JMJD7: variants seen among roughly 807,000 people sequenced by gnomAD.
JMJD7 encodes the protein jumonji domain containing 7, also known as bifunctional peptidase and (3S)-lysyl hydroxylase JMJD7.
A neutral mutation model predicts 41.1 loss-of-function variants in JMJD7; 41 were observed. The ratio of observed to expected loss-of-function variants is 1.00; its 90% CI spans 0.78 to 1.30. The LOEUF is 1.30. Ranked by LOEUF, JMJD7 falls within the 50% of genes most tolerant of loss-of-function variation. JMJD7 has a pLI of 0.00. For synonymous variants in JMJD7, 202 were observed against 177.2 expected, an observed-to-expected ratio of 1.14 and a Z score of -1.11; for missense variants, 480 against 420.7, an observed-to-expected ratio of 1.14 and a Z score of -1.23.
rs748096102 is a variant in JMJD7 at position 41,828,122 on chromosome 15, G to T, written c.-3G>T. The T allele has an allele frequency of 1.0e-5, 15 of 1,458,346 alleles. No homozygotes were observed. The highest frequency in any genetic ancestry group is 1.5e-5 in the African/African-American group (1 of 67,226). The allele number at this position is 1,458,346 out of a possible 1,614,324, so 90.3% of individuals were successfully genotyped here. Reference sequence around the variant, plus strand: ...CGGGGTCTCGGCCGGCGCTGACGCAGCCATGGCGGAGGCGGCTTTGGAAGC... The same window carrying T: ...CGGGGTCTCGGCCGGCGCTGACGCATCCATGGCGGAGGCGGCTTTGGAAGC... On this transcript the variant is annotated 5_prime_UTR_variant, in exon 1 of 8. Transcript: ENST00000397299.
chr15:41,836,998 TG>T (rs1450916672), intron 7 of JMJD7, 58 bp downstream of exon 7: 12 of 1,609,294 alleles, frequency 7.5e-6, no homozygotes, highest in African/African-American at 5.3e-5. Flanking sequence ...GCAGGGCCTC[TG>T]GGGGGAGGCT....
chr15:41,837,022 G>T (rs750170678), intron 7 of JMJD7, 46 bp from the exon 8 acceptor site: 1 of 1,609,338 alleles, frequency 6.2e-7, no homozygotes, highest in South Asian at 1.1e-5. Context: ...GGAGGCTCTA[G>T]GTCAGAAGAG....
chr15:41,836,378 C>T lies in JMJD7; in HGVS notation c.626-97C>T, dbSNP rs777749720. On this transcript the variant is annotated intron_variant, in intron 5 of 7. Coordinates refer to ENST00000397299, the MANE Select transcript of JMJD7 (RefSeq NM_001114632.2). ...TCCCCAGTGCACCAGGGCCCCTGAT[C>T]CCCTTGCCCCTGCCCAGGGCTGGCT... 4.5e-6 allele frequency: 7 copies of T among 1,549,070 alleles called. No homozygotes were observed. The Admixed American group carries it at 1.3e-4, about 30-fold the overall frequency.
chr15:41,831,393 A>G (rs1195952339), intron 1 of JMJD7, among the ~76,000 whole-genome samples: 1 of 152,218 alleles, frequency 6.6e-6, no homozygotes, highest in African/African-American at 2.4e-5. Flanking sequence ...ACTGATCAGA[A>G]AGTAAAGGTG....
At position 41,837,411 on chromosome 15, in the gene JMJD7, C is replaced by T. The variant is rs1027644630; in HGVS notation, c.*255C>T. The stretch of plus-strand genomic sequence containing the variant: ...GGGGATCAGGTGCAGCGGCACCTCT[C>T]CCCAGCGCTGTGATGTTGGGCGAGT... On this transcript the variant is annotated 3_prime_UTR_variant, in exon 8 of 8. Coordinates refer to ENST00000397299, the MANE Select transcript of JMJD7 (RefSeq NM_001114632.2). 1.9e-6 allele frequency: 1 copy of T among 539,276 alleles called. No homozygotes were observed. The highest frequency in any genetic ancestry group is 2.4e-5 in the South Asian group (1 of 41,010). 33.4% of individuals were successfully genotyped at this position (539,276 alleles called of 1,614,324 possible).
At position 41,836,786 on chromosome 15, in the gene JMJD7, C is replaced by G. The variant is rs1416107207; in HGVS notation, c.708C>G (p.Pro236=). ...GGCATCTGATGTGTTCCCAGGTGCC[C>G]TGGATCCCACTGGACCCCTTGGCGC... ...VVDEEAMEKV[P]WIPLDPLAPD... The change falls in exon 7 of 8, where the codon CCC becomes CCG. Residue 236 remains proline, a synonymous_variant. Transcript: ENST00000397299. 6.2e-7 allele frequency: 1 copy of G among 1,607,426 alleles called. No homozygotes were observed. The highest frequency in any genetic ancestry group is 1.3e-5 in the African/African-American group (1 of 74,782).
At chr15:41,830,801 G>A (rs2065219199) in intron 1 of JMJD7, among the ~76,000 whole-genome samples, 2 of 152,272 alleles carry the variant, frequency 1.3e-5, no homozygotes, top group African/African-American at 4.8e-5. Flanking sequence ...TGCTATTGCA[G>A]TGCTGACACA....
intron 1 of JMJD7, among the ~76,000 whole-genome samples, chr15:41,829,509 G>C (rs1473567217): frequency 6.6e-6 from 1 of 152,172 alleles, no homozygotes; most frequent in Non-Finnish European, 1.5e-5. Flanking sequence ...GACAAGGCTG[G>C]TCTCAGATTC....
Position 41,835,657 on chromosome 15 carries a change from G to T in JMJD7, c.529+13G>T, listed in dbSNP as rs377314911. ...GCAGTGACTTCTTGTAGGTGTAAGG[G>T]GAATACAAAGGTGGGGAAGGAGCAG... On this transcript the variant is annotated intron_variant, in intron 4 of 7. Coordinates refer to ENST00000397299, the MANE Select transcript of JMJD7 (RefSeq NM_001114632.2). The T allele has an allele frequency of 6.2e-7, 1 of 1,611,596 alleles. No individual in the cohort carries two copies. Among genetic ancestry groups the T allele is most frequent in the South Asian group, 1.1e-5 (1 of 90,718 alleles).
At position 41,836,215 on chromosome 15, in the gene JMJD7, G is replaced by T; in HGVS notation, c.597G>T (p.Pro199=). The change falls in exon 5 of 8, where the codon CCG becomes CCT. Residue 199 remains proline, a synonymous_variant. Coordinates refer to ENST00000397299, the MANE Select transcript of JMJD7 (RefSeq NM_001114632.2). The part of the protein sequence containing the change: ...VSGEKHFLFH[P]PSDRPFIPYE... ...GAGAGAAGCATTTCCTGTTCCATCC[G>T]CCCAGCGACCGGCCCTTCATCCCCT... The T allele has an allele frequency of 6.2e-7, 1 of 1,612,964 alleles. No individual in the cohort carries two copies. The highest frequency in any genetic ancestry group is 1.1e-5 in the South Asian group (1 of 90,952).
At position 41,833,412 on chromosome 15, in the gene JMJD7, A is replaced by ATT. The variant is rs1430293088; in HGVS notation, c.65-1327_65-1326insTT. On this transcript the variant is annotated intron_variant, in intron 1 of 7. Coordinates refer to ENST00000397299, the MANE Select transcript of JMJD7 (RefSeq NM_001114632.2). ...GAAATACATATATATATATATATAT[A>ATT]TATTTTTTTTTTTTTTTTTTTTTTT... 5.6e-3 allele frequency among the ~76,000 whole-genome samples: 235 copies of ATT among 41,874 alleles called. 4 individuals are homozygous for ATT. Among genetic ancestry groups the ATT allele is most frequent in the Middle Eastern group, 0.013 (1 of 80 alleles). The allele number at this position is 41,874 out of a possible 152,430, so 27.5% of individuals were successfully genotyped here. A position where few individuals can be genotyped will look rare whatever the true frequency, so the allele number is the denominator to read the frequency against.
At chr15:41,828,355 C>T in intron 1 of JMJD7, 167 bp downstream of exon 1, 1 of 814,156 alleles carries the variant, frequency 1.2e-6, no homozygotes, top group Non-Finnish European at 1.7e-6. Flanking sequence ...CGCGCGCTCC[C>T]GCGGCTTCCT....
intron 1 of JMJD7, chr15:41,828,983 A>G (rs947156495): frequency 6.6e-6 from 1 of 152,266 alleles, no homozygotes; most frequent in East Asian, 1.9e-4. Flanking sequence ...GTTTTCAATA[A>G]TGCTGCAACG....
intron 1 of JMJD7, among the ~76,000 whole-genome samples, chr15:41,830,079 CCCCTGTT>C (rs1028552481): frequency 6.6e-6 from 1 of 152,134 alleles, no homozygotes; most frequent in East Asian, 1.9e-4. Context: ...GGTAGTGAGT[CCCCTGTT>C]CCCTGCATCC....
chr15:41,834,654 G>T, intron 1 of JMJD7, 86 bp from the exon 2 acceptor site: 2 of 1,551,558 alleles, frequency 1.3e-6, no homozygotes, highest in South Asian at 1.2e-5. Context: ...ACACAGCGCG[G>T]CCTTTCCAGG....
rs978251534 is a variant in JMJD7 at position 41,828,167 on chromosome 15, G to C, written c.43G>C (p.Glu15Gln). 4.7e-6 allele frequency: 7 copies of C among 1,493,878 alleles called. No individual in the cohort carries two copies. In the African/African-American group the frequency reaches 5.9e-5, roughly 13 times the overall value. 92.5% of individuals were successfully genotyped at this position (1,493,878 alleles called of 1,614,324 possible). The change falls in exon 1 of 8, where the codon GAA (glutamate) becomes CAA (glutamine). Residue 15 changes from glutamate to glutamine, a missense_variant. Transcript: ENST00000397299. Reference protein sequence around the residue: ...ALEAVRSELREFPAAARELCV... With the variant: ...ALEAVRSELRQFPAAARELCV... ...GGAAGCCGTGCGGAGCGAGTTACGA[G>C]AATTCCCGGCCGCTGCAAGGGGTGA...
chr15:41,831,212 A>G (rs973992992), intron 1 of JMJD7, among the ~76,000 whole-genome samples: 9 of 151,938 alleles, frequency 5.9e-5, no homozygotes, highest in South Asian at 2.1e-4. Context: ...GGGAGGAGCT[A>G]CCCTCTCTGC....
At chr15:41,837,044 C>A in intron 7 of JMJD7, 24 bp from the exon 8 acceptor site, 2 of 1,602,498 alleles carry the variant, frequency 1.2e-6, no homozygotes, top group Non-Finnish European at 1.7e-6. Flanking sequence ...GATCTTCATG[C>A]TCAGATCCCC....
In JMJD7 at chr15:41,833,414, A is replaced by ATATATATT. The variant is rs1239528383; in HGVS notation, c.65-1325_65-1324insATATATTT. Among the ~76,000 whole-genome samples the ATATATATT allele has an allele frequency of 3.0e-3, 95 of 32,014 alleles. 2 individuals carry two copies. Among genetic ancestry groups the ATATATATT allele is most frequent in the Middle Eastern group, 0.042 (1 of 24 alleles). 21.0% of individuals were successfully genotyped at this position (32,014 alleles called of 152,430 possible). A position where few individuals can be genotyped will look rare whatever the true frequency, so the allele number is the denominator to read the frequency against. On this transcript the variant is annotated intron_variant, in intron 1 of 7. Coordinates refer to ENST00000397299, the MANE Select transcript of JMJD7 (RefSeq NM_001114632.2). ...AATACATATATATATATATATATAT[A>ATATATATT]TTTTTTTTTTTTTTTTTTTTTTTTG... is the stretch of plus-strand genomic sequence containing the variant.
Sources: allele counts gnomAD v4.1 joint callset (sites outside exome capture counted in the v4.1 genomes callset), GRCh38; gene constraint gnomAD v4.1.1; transcripts MANE v1.5; gene names NCBI Gene and HGNC (gene_info 2026-07-23, HGNC 2026-07-21).